The following PIWIL4 variants were observed in gnomAD, a reference collection of about 807,000 sequenced individuals.
PIWIL4 encodes piwi like RNA-mediated gene silencing 4.
Under a neutral mutation model 100.9 loss-of-function variants are expected in PIWIL4, and 50 were observed. The ratio of observed to expected loss-of-function variants is 0.50; its 90% CI spans 0.39 to 0.63. The LOEUF is 0.63. Ranked by LOEUF, PIWIL4 falls within the 20% of genes least tolerant of loss-of-function variation. The pLI, the probability that PIWIL4 is intolerant of heterozygous loss-of-function variation, is 0.00. For missense variants in PIWIL4, 887 were observed against 1,043.3 expected (o/e 0.85, Z 2.06); for synonymous variants, 342 against 367.5 (o/e 0.93, Z 0.79).
chr11:94,618,215 T>C, intron 17 of PIWIL4, 108 bp downstream of exon 17: 1 of 1,140,378 alleles, frequency 8.8e-7, no homozygotes, highest in Non-Finnish European at 1.2e-6. Context: ...TGCAATTAAG[T>C]TTTGCTGTGT....
At chr11:94,590,241 C>G (rs1948465141) in intron 8 of PIWIL4, among the ~76,000 whole-genome samples, 2 of 152,148 alleles carry the variant, frequency 1.3e-5, no homozygotes, top group African/African-American at 4.8e-5. Context: ...AGAAGTAGTT[C>G]TAGAAAGGTC....
chr11:94,607,025 G>C (rs1250969497), intron 13 of PIWIL4, among the ~76,000 whole-genome samples: 1 of 152,140 alleles, frequency 6.6e-6, no homozygotes, highest in Non-Finnish European at 1.5e-5. Flanking sequence ...GGTGGGGTCA[G>C]GGAGGGACCA....
intron 7 of PIWIL4, among the ~76,000 whole-genome samples, 187 bp downstream of exon 7, chr11:94,587,434 C>T (rs1448722712): frequency 6.6e-6 from 1 of 152,218 alleles, no homozygotes; most frequent in Non-Finnish European, 1.5e-5. Flanking sequence ...GGACTGTCCA[C>T]AAGCTCCAAA....
chr11:94,592,754 T>A lies in PIWIL4; in HGVS notation c.1027-764T>A, dbSNP rs112325263. ...GAGTGTTCATTGTAACCTTTGTCAT[T>A]AGAGGGTAAATGAGCTTTTGCCAAG... On this transcript the variant is annotated intron_variant, in intron 8 of 19. Transcript: ENST00000299001. Among the ~76,000 whole-genome samples the A allele has an allele frequency of 1.8e-3, 274 of 152,286 alleles. 2 individuals carry two copies. Among genetic ancestry groups the A allele is most frequent in the East Asian group, 7.5e-3 (39 of 5,192 alleles).
intron 12 of PIWIL4, among the ~76,000 whole-genome samples, chr11:94,603,697 A>G (rs898708257): frequency 6.6e-6 from 1 of 152,130 alleles, no homozygotes; most frequent in African/African-American, 2.4e-5. Flanking sequence ...TTCACTTTCA[A>G]CCCCATTTTG....
chr11:94,585,547 G>A, intron 6 of PIWIL4, 22 bp downstream of exon 6: 1 of 1,536,230 alleles, frequency 6.5e-7, no homozygotes, highest in Non-Finnish European at 8.9e-7. Context: ...TATATTTTCT[G>A]TTACTCCGAA....
intron 7 of PIWIL4, among the ~76,000 whole-genome samples, chr11:94,588,721 T>C (rs984211049): frequency 9.2e-5 from 14 of 152,322 alleles, no homozygotes; most frequent in African/African-American, 3.1e-4. Context: ...CTTTTGGTGC[T>C]TTTTTAAATC....
At chr11:94,568,583 T>A in intron 1 of PIWIL4, 147 bp from the exon 2 acceptor site, 1 of 601,656 alleles carries the variant, frequency 1.7e-6, no homozygotes, top group Non-Finnish European at 3.0e-6. Flanking sequence ...ATGGGCACTC[T>A]CTTCTCATCT....
chr11:94,570,612 C>A (rs570978697), intron 2 of PIWIL4, among the ~76,000 whole-genome samples: 4 of 152,154 alleles, frequency 2.6e-5, no homozygotes, highest in Non-Finnish European at 5.9e-5. Flanking sequence ...TTAGCCAGGC[C>A]GGGCGTGATG....
intron 15 of PIWIL4, among the ~76,000 whole-genome samples, chr11:94,614,136 T>G (rs953189606): frequency 4.0e-5 from 6 of 151,768 alleles, no homozygotes; most frequent in African/African-American, 1.5e-4. Flanking sequence ...TTTTTTAATG[T>G]CATTGAGTGG....
intron 14 of PIWIL4, chr11:94,608,070 A>G (rs1948744090): frequency 5.5e-6 from 1 of 182,916 alleles, no homozygotes; most frequent in South Asian, 1.2e-4. Flanking sequence ...TGTAGCCACC[A>G]TGGGAGTAAG....
Position 94,567,662 on chromosome 11 carries a change from T to G in PIWIL4, c.87+57T>G, listed in dbSNP as rs370976602. The G allele has an allele frequency of 3.4e-6, 5 of 1,479,074 alleles. No individual in the cohort carries two copies. The African/African-American group carries it at 5.5e-5, about 16-fold the overall frequency. The allele number at this position is 1,479,074 out of a possible 1,614,324, so 91.6% of individuals were successfully genotyped here. ...TTTTCTCCTACCTCTGTCTCTAGCC[T>G]GAACAATGCCTTCCTCTGCATGTAT... On this transcript the variant is annotated intron_variant, in intron 1 of 19. Transcript: ENST00000299001.
At chr11:94,571,644 T>C (rs1018123048) in intron 2 of PIWIL4, among the ~76,000 whole-genome samples, 1 of 152,246 alleles carries the variant, frequency 6.6e-6, no homozygotes, top group Non-Finnish European at 1.5e-5. Context: ...CATAGTATTC[T>C]ATGGTGTATA....
At chr11:94,616,644 A>G in intron 16 of PIWIL4, 81 bp downstream of exon 16, 1 of 1,171,270 alleles carries the variant, frequency 8.5e-7, no homozygotes, top group Admixed American at 2.3e-5. Context: ...AGAAGACCAC[A>G]TAGGTCAGAG....
At chr11:94,599,900 A>T (rs1040737334) in intron 11 of PIWIL4, among the ~76,000 whole-genome samples, 1 of 152,066 alleles carries the variant, frequency 6.6e-6, no homozygotes, top group Non-Finnish European at 1.5e-5. Flanking sequence ...GCAGATTCTG[A>T]TTCAGTGGGT....
chr11:94,608,537 A>G, intron 14 of PIWIL4, 46 bp from the exon 15 acceptor site: 1 of 1,516,900 alleles, frequency 6.6e-7, no homozygotes, highest in Non-Finnish European at 9.1e-7. Flanking sequence ...TTGGTAGGGG[A>G]AATGATACCT....
intron 4 of PIWIL4, among the ~76,000 whole-genome samples, chr11:94,577,698 C>A (rs1402773615): frequency 6.6e-6 from 1 of 152,124 alleles, no homozygotes; most frequent in Non-Finnish European, 1.5e-5. Flanking sequence ...ATTATATCAG[C>A]CATTTAGTCC....
intron 5 of PIWIL4, 71 bp from the exon 6 acceptor site, chr11:94,585,374 A>T: frequency 9.6e-7 from 1 of 1,045,990 alleles, no homozygotes; most frequent in Non-Finnish European, 1.4e-6. Context: ...TATGTTCAGT[A>T]AGGGTTTGAA....
At chr11:94,585,594 T>C in intron 6 of PIWIL4, 69 bp downstream of exon 6, 1 of 1,193,916 alleles carries the variant, frequency 8.4e-7, no homozygotes, top group Non-Finnish European at 1.2e-6. Flanking sequence ...TATGATGCAA[T>C]ATTATACCAT....
Sources: allele counts gnomAD v4.1 joint callset (sites outside exome capture counted in the v4.1 genomes callset), GRCh38; gene constraint gnomAD v4.1.1; transcripts MANE v1.5; gene names NCBI Gene and HGNC (gene_info 2026-07-23, HGNC 2026-07-21).